Variants in CTNND2 observed in about 807,000 individuals in gnomAD.
CTNND2 encodes catenin delta 2.
Under a neutral mutation model 144.4 loss-of-function variants are expected in CTNND2, and 22 were observed. That is an observed-to-expected ratio of 0.15 (90% CI 0.11 to 0.22). CTNND2 has a LOEUF of 0.22. Ranked by LOEUF, CTNND2 falls within the 10% of genes least tolerant of loss-of-function variation. The probability of loss-of-function intolerance (pLI) is 1.00; values close to 1 mark genes in which losing one functional copy is unlikely to be tolerated. For missense variants in CTNND2, 1,353 were observed against 1,618.8 expected, an observed-to-expected ratio of 0.84 and a Z score of 2.82; for synonymous variants, 751 against 695.6, an observed-to-expected ratio of 1.08 and a Z score of -1.25.
chr5:11,277,475 C>T (rs1164632453), intron 9 of CTNND2, among the ~76,000 whole-genome samples: 1 of 150,892 alleles, frequency 6.6e-6, no homozygotes, highest in Admixed American at 6.6e-5. Flanking sequence ...GTATGGGCTG[C>T]TCTGGTGCTT....
intron 2 of CTNND2, among the ~76,000 whole-genome samples, chr5:11,713,887 T>C (rs1786182679): frequency 6.6e-6 from 1 of 152,164 alleles, no homozygotes; most frequent in Non-Finnish European, 1.5e-5. Flanking sequence ...TCAAGGCTTC[T>C]GGACCTACCG....
chr5:11,462,560 C>T lies in CTNND2; in HGVS notation c.288-50491G>A, dbSNP rs61758947. Among the ~76,000 whole-genome samples, 76 of 150,464 alleles carry T rather than the reference C, an allele frequency of 5.1e-4. 1 individual carries two copies. The East Asian group carries it at 0.013, about 26-fold the overall frequency. Reference sequence around the variant, plus strand: ...GAAGAAAGATTCTATTTTTTTTTTCCCCAGAGTAACAGAAGAATATAGAAA... The same window carrying T: ...GAAGAAAGATTCTATTTTTTTTTTCTCCAGAGTAACAGAAGAATATAGAAA... On this transcript the variant is annotated intron_variant, in intron 3 of 21. Transcript: ENST00000304623.
chr5:11,564,842 G>C, intron 3 of CTNND2, 102 bp downstream of exon 3: 1 of 740,684 alleles, frequency 1.4e-6, no homozygotes, highest in Non-Finnish European at 2.3e-6. Flanking sequence ...ACGTTTGACT[G>C]AATGTTCCAA....
intron 9 of CTNND2, among the ~76,000 whole-genome samples, chr5:11,271,573 G>A (rs138197748): frequency 6.6e-5 from 10 of 152,116 alleles, no homozygotes; most frequent in South Asian, 2.1e-4. Context: ...TGAGAATATC[G>A]CCCCCTGCCA....
At chr5:11,726,832 A>T (rs915421921) in intron 2 of CTNND2, among the ~76,000 whole-genome samples, 3 of 152,236 alleles carry the variant, frequency 2.0e-5, no homozygotes, top group Non-Finnish European at 4.4e-5. Context: ...CAAATGAGTT[A>T]ATTCTTGGAA....
intron 3 of CTNND2, among the ~76,000 whole-genome samples, chr5:11,529,171 G>A (rs1773523416): frequency 6.6e-6 from 1 of 152,172 alleles, no homozygotes; most frequent in African/African-American, 2.4e-5. Context: ...AAACTGAAAT[G>A]AAGTCTTGAT....
chr5:11,888,110 G>A (rs907472843), intron 1 of CTNND2, among the ~76,000 whole-genome samples: 4 of 152,140 alleles, frequency 2.6e-5, no homozygotes, highest in African/African-American at 9.7e-5. Context: ...TAAATGAATG[G>A]CATTCTTAAA....
chr5:11,383,247 G>A (rs1758701130), intron 7 of CTNND2, among the ~76,000 whole-genome samples: 1 of 152,166 alleles, frequency 6.6e-6, no homozygotes, highest in South Asian at 2.1e-4. Flanking sequence ...CCTCTTCTCT[G>A]TGGTGGTGCG....
intron 12 of CTNND2, among the ~76,000 whole-genome samples, chr5:11,128,939 AT>A (rs1755071698): frequency 2.0e-5 from 1 of 49,690 alleles, no homozygotes; most frequent in African/African-American, 7.1e-5. Context: ...AAATATATAT[AT>A]TATATATAAT....
chr5:11,695,198 G>A (rs1785088608), intron 2 of CTNND2, among the ~76,000 whole-genome samples: 1 of 152,188 alleles, frequency 6.6e-6, no homozygotes, highest in African/African-American at 2.4e-5. Flanking sequence ...CACAAAGGAG[G>A]AAACTGGTTT....
At chr5:11,019,008 A>T (rs1293140867) in intron 17 of CTNND2, among the ~76,000 whole-genome samples, 10 of 152,142 alleles carry the variant, frequency 6.6e-5, no homozygotes. Flanking sequence ...TGCCCAGCCA[A>T]CTCTCTTAAT....
chr5:11,601,503 T>G (rs1779792798), intron 2 of CTNND2, among the ~76,000 whole-genome samples: 1 of 152,134 alleles, frequency 6.6e-6, no homozygotes, highest in Non-Finnish European at 1.5e-5. Context: ...ATGTGGTCTA[T>G]TTGAAAACCC....
At chr5:11,790,287 G>A (rs1439566328) in intron 1 of CTNND2, among the ~76,000 whole-genome samples, 1 of 152,122 alleles carries the variant, frequency 6.6e-6, no homozygotes, top group Non-Finnish European at 1.5e-5. Flanking sequence ...CCCTACTCCA[G>A]AAGAAGTTTC....
chr5:11,314,124 G>T (rs531041899), intron 9 of CTNND2, among the ~76,000 whole-genome samples: 28 of 152,220 alleles, frequency 1.8e-4, no homozygotes, highest in Non-Finnish European at 2.9e-5. Context: ...CTGATAGCTT[G>T]GTACCTATCC....
intron 9 of CTNND2, among the ~76,000 whole-genome samples, chr5:11,296,840 G>C (rs2530214): frequency 0.39 from 58,948 of 151,894 alleles, 11,744 homozygotes; most frequent in African/African-American, 0.47. Context: ...TTGTGGCATG[G>C]GGGGAGTGGG....
chr5:11,006,743 G>A (rs1400733324), intron 18 of CTNND2, among the ~76,000 whole-genome samples: 1 of 152,158 alleles, frequency 6.6e-6, no homozygotes, highest in Non-Finnish European at 1.5e-5. Context: ...AAACCTCATT[G>A]TGAAGGCTGG....
chr5:11,378,466 A>G (rs918460872), intron 7 of CTNND2, among the ~76,000 whole-genome samples: 1 of 152,258 alleles, frequency 6.6e-6, no homozygotes, highest in African/African-American at 2.4e-5. Context: ...GTTGATTGAT[A>G]TCACAGGTTG....
intron 1 of CTNND2, among the ~76,000 whole-genome samples, chr5:11,878,368 T>C (rs1735714524): frequency 6.6e-6 from 1 of 152,170 alleles, no homozygotes; most frequent in African/African-American, 2.4e-5. Context: ...GGCTTGTCTC[T>C]GGGATGAGCT....
chr5:11,598,312 C>T (rs574811706), intron 2 of CTNND2, among the ~76,000 whole-genome samples: 3 of 152,118 alleles, frequency 2.0e-5, no homozygotes, highest in African/African-American at 4.8e-5. Flanking sequence ...CTCCATCCCT[C>T]TACACCACAA....
Sources: gnomAD v4.1 joint callset for allele counts (sites outside exome capture counted in the v4.1 genomes callset) on GRCh38, gnomAD v4.1.1 for gene constraint, MANE v1.5 for transcripts, NCBI Gene and HGNC (gene_info 2026-07-23, HGNC 2026-07-21) for gene names.